Variants in THSD4 observed in about 807,000 individuals in gnomAD.
The protein encoded by THSD4 is thrombospondin type 1 domain containing 4, also known as thrombospondin type-1 domain-containing protein 4.
Under a neutral mutation model 119.0 loss-of-function variants are expected in THSD4, and 69 were observed. That is an observed-to-expected ratio of 0.58 (90% CI 0.48 to 0.71). The LOEUF is 0.71. THSD4 is among the 30% of genes least tolerant of loss of function. THSD4 has a pLI of 0.00. For missense variants in THSD4, 1,393 were observed against 1,391.1 expected, an observed-to-expected ratio of 1.00 and a Z score of -0.02; for synonymous variants, 524 against 540.4, an observed-to-expected ratio of 0.97 and a Z score of 0.42.
intron 6 of THSD4, among the ~76,000 whole-genome samples, chr15:71,346,844 C>T (rs562835476): frequency 6.7e-6 from 1 of 148,728 alleles, no homozygotes; most frequent in African/African-American, 2.5e-5. Context: ...TTCCGAATAA[C>T]ATCATAAGTT....
chr15:71,676,904 A>T (rs1297009366), intron 8 of THSD4, among the ~76,000 whole-genome samples: 1 of 152,188 alleles, frequency 6.6e-6, no homozygotes, highest in East Asian at 1.9e-4. Flanking sequence ...ATAATGCGCT[A>T]TGAACATTGG....
intron 4 of THSD4, among the ~76,000 whole-genome samples, chr15:71,235,583 CTT>C (rs1555457033): frequency 4.8e-4 from 61 of 127,298 alleles, no homozygotes; most frequent in African/African-American, 1.4e-3. Flanking sequence ...CCACCTCTCT[CTT>C]TTTTTTTTTT....
rs8032376 is a variant in THSD4 at position 71,749,697 on chromosome 15, T to A, written c.2415+1103T>A. On this transcript the variant is annotated intron_variant, in intron 14 of 17. Coordinates refer to ENST00000261862, the MANE Select transcript of THSD4 (RefSeq NM_024817.3). ...TTTTAATATTTTTATATTTTTAAAT[T>A]TTTATTTATTTATTTATTTATTTAT... Among the ~76,000 whole-genome samples, 888 of 137,664 alleles carry A rather than the reference T, an allele frequency of 6.5e-3. 20 individuals carry two copies. Among genetic ancestry groups the A allele is most frequent in the African/African-American group, 0.022 (811 of 37,100 alleles). The allele number at this position is 137,664 out of a possible 152,430, so 90.3% of individuals were successfully genotyped here.
At chr15:71,446,284 A>C (rs2140568915) in intron 7 of THSD4, among the ~76,000 whole-genome samples, 1 of 152,216 alleles carries the variant, frequency 6.6e-6, no homozygotes, top group East Asian at 1.9e-4. Context: ...TAAGTATAGC[A>C]ACCACTTTAA....
At chr15:71,732,916 A>C (rs1311715714) in intron 10 of THSD4, 1 of 152,186 alleles carries the variant, frequency 6.6e-6, no homozygotes, top group Non-Finnish European at 1.5e-5. Flanking sequence ...CAGACTGGGG[A>C]GGACAACAGC....
intron 7 of THSD4, among the ~76,000 whole-genome samples, chr15:71,467,876 T>G (rs2047522749): frequency 6.8e-6 from 1 of 146,240 alleles, no homozygotes; most frequent in South Asian, 2.2e-4. Context: ...TGAGACGGAG[T>G]TTTGCTCTTG....
At chr15:71,768,457 A>C (rs989929561) in intron 16 of THSD4, among the ~76,000 whole-genome samples, 1 of 152,110 alleles carries the variant, frequency 6.6e-6, no homozygotes, top group African/African-American at 2.4e-5. Context: ...AAAACTTTTT[A>C]AGTGCAAGAA....
At chr15:71,240,798 T>TACACAC (rs58462444) in intron 4 of THSD4, among the ~76,000 whole-genome samples, 147 of 145,604 alleles carry the variant, frequency 1.0e-3, no homozygotes, top group African/African-American at 2.5e-3. Flanking sequence ...TATATGTGTA[T>TACACAC]ACACACACAC....
At chr15:71,427,582 T>G (rs1364090781) in intron 7 of THSD4, among the ~76,000 whole-genome samples, 2 of 148,400 alleles carry the variant, frequency 1.3e-5, no homozygotes, top group Non-Finnish European at 3.0e-5. Context: ...AGAAAGTGTA[T>G]GCCAAGCCTC....
intron 11 of THSD4, 79 bp from the exon 12 acceptor site, chr15:71,745,027 G>T: frequency 6.5e-7 from 1 of 1,527,132 alleles, no homozygotes; most frequent in South Asian, 1.3e-5. Flanking sequence ...ATCAGCACCC[G>T]AATCTCTGTG....
chr15:71,340,400 A>G (rs2045550210), intron 6 of THSD4, among the ~76,000 whole-genome samples: 1 of 152,114 alleles, frequency 6.6e-6, no homozygotes, highest in Non-Finnish European at 1.5e-5. Flanking sequence ...TGCTTCCAAA[A>G]TGCCATCCAC....
At chr15:71,127,710 CTTTG>C (rs775388210) in intron 1 of THSD4, among the ~76,000 whole-genome samples, 8 of 152,038 alleles carry the variant, frequency 5.3e-5, no homozygotes, top group Non-Finnish European at 1.2e-4. Context: ...GTTTGTGTAT[CTTTG>C]TTTGAGAAAT....
At chr15:71,742,353 T>G (rs976666281) in intron 11 of THSD4, among the ~76,000 whole-genome samples, 6 of 152,250 alleles carry the variant, frequency 3.9e-5, no homozygotes, top group African/African-American at 1.4e-4. Context: ...TTGGCTTGTT[T>G]CATTTGATTC....
intron 6 of THSD4, among the ~76,000 whole-genome samples, chr15:71,372,154 A>G (rs1273540912): frequency 3.9e-5 from 6 of 152,190 alleles, no homozygotes; most frequent in Non-Finnish European, 8.8e-5. Flanking sequence ...ACTTCTCTGC[A>G]CTGGTTATTC....
At chr15:71,540,469 C>T (rs1006699335) in intron 7 of THSD4, among the ~76,000 whole-genome samples, 2 of 136,912 alleles carry the variant, frequency 1.5e-5, no homozygotes, top group African/African-American at 5.5e-5. Context: ...GTCTCTGTCA[C>T]CCAGGCTGGA....
At chr15:71,352,939 G>C (rs936619792) in intron 6 of THSD4, among the ~76,000 whole-genome samples, 1 of 152,394 alleles carries the variant, frequency 6.6e-6, no homozygotes, top group African/African-American at 2.4e-5. Context: ...AAGCCCAAAC[G>C]TTCTGGGAAA....
chr15:71,475,209 T>C (rs1265699120), intron 7 of THSD4, among the ~76,000 whole-genome samples: 1 of 152,234 alleles, frequency 6.6e-6, no homozygotes, highest in Non-Finnish European at 1.5e-5. Flanking sequence ...CTGTCTCCTC[T>C]TGAAAGCCTG....
Position 71,386,351 on chromosome 15 carries a change from G to A in THSD4, c.1016-25336G>A, listed in dbSNP as rs537115324. Among the ~76,000 whole-genome samples, 7 of 152,234 alleles carry A rather than the reference G, an allele frequency of 4.6e-5. No homozygotes were observed. In the East Asian group the frequency reaches 1.4e-3, roughly 29 times the overall value. On this transcript the variant is annotated intron_variant, in intron 6 of 17. Coordinates refer to ENST00000261862, the MANE Select transcript of THSD4 (RefSeq NM_024817.3). ...GTAAGCAATTTCCAGATTCAGCCAAGGGTTCCAGGACTAACATAAGGATGT... is the reference window on the plus strand; with the variant it reads ...GTAAGCAATTTCCAGATTCAGCCAAAGGTTCCAGGACTAACATAAGGATGT...
intron 8 of THSD4, among the ~76,000 whole-genome samples, chr15:71,661,159 T>G (rs527820820): frequency 1.3e-5 from 2 of 152,264 alleles, no homozygotes; most frequent in South Asian, 4.2e-4. Context: ...GAAGCCATTT[T>G]TCTCTTCTTT....
Sources: gnomAD v4.1 joint callset for allele counts (sites outside exome capture counted in the v4.1 genomes callset) on GRCh38, gnomAD v4.1.1 for gene constraint, MANE v1.5 for transcripts, NCBI Gene and HGNC (gene_info 2026-07-23, HGNC 2026-07-21) for gene names.